The following MCC variants were observed in gnomAD, a reference collection of about 807,000 sequenced individuals.
MCC encodes MCC regulator of Wnt signaling pathway.
In MCC, 90 loss-of-function variants were observed where a neutral mutation model predicts 116.2. The observed-to-expected ratio is 0.77, with a 90% confidence interval of 0.65 to 0.92. The LOEUF (loss-of-function observed/expected upper bound fraction) is 0.92, where lower values mean the gene tolerates loss of function less well. Among genes scored for constraint, MCC ranks in the 40% least tolerant of loss-of-function variants. The pLI is 0.00. For synonymous variants in MCC, 578 were observed against 510.5 expected (o/e 1.13, Z -1.78); for missense variants, 1,516 against 1,312.2 (o/e 1.16, Z -2.40).
chr5:113,135,531 C>T (rs1289190324), intron 5 of MCC, among the ~76,000 whole-genome samples: 1 of 140,312 alleles, frequency 7.1e-6, no homozygotes, highest in African/African-American at 2.6e-5. Flanking sequence ...TGCACTCCAG[C>T]CTGGGTGACA....
intron 8 of MCC, among the ~76,000 whole-genome samples, chr5:113,094,270 C>G (rs1287771320): frequency 6.6e-6 from 1 of 151,856 alleles, no homozygotes; most frequent in African/African-American, 2.4e-5. Context: ...AGAGAGATCA[C>G]AAAATAGAAG....
At position 113,453,917 on chromosome 5, in the gene MCC, C is replaced by A. The variant is rs925168134; in HGVS notation, c.170+34328G>T. On this transcript the variant is annotated intron_variant, in intron 1 of 18. Transcript: ENST00000408903. ...CCTGAGGTTGGGAGTTCGAGACCAC[C>A]CTGACCAACATGGAGAAACCCCATC... Among the ~76,000 whole-genome samples the A allele has an allele frequency of 3.3e-5, 5 of 152,198 alleles. No homozygotes were observed. In the East Asian group the frequency reaches 9.7e-4, roughly 29 times the overall value.
In MCC at chr5:113,025,793, C is replaced by G. The variant is rs1405475792; in HGVS notation, c.*1509G>C. ...CTTTTAGGATACAGCTGTCTGCCCT[C>G]CGAACTGGTGGCTGGAGTATCCTCC... On this transcript the variant is annotated 3_prime_UTR_variant, in exon 19 of 19. Coordinates refer to ENST00000408903, the MANE Select transcript of MCC (RefSeq NM_001085377.2). The G allele has an allele frequency of 6.6e-6, 1 of 152,132 alleles. No homozygotes were observed. The highest frequency in any genetic ancestry group is 1.5e-5 in the Non-Finnish European group (1 of 68,028). 9.4% of individuals were successfully genotyped at this position (152,132 alleles called of 1,614,324 possible).
At chr5:113,271,300 C>T (rs990100282) in intron 3 of MCC, among the ~76,000 whole-genome samples, 1 of 152,132 alleles carries the variant, frequency 6.6e-6, no homozygotes, top group African/African-American at 2.4e-5. Context: ...ACCTAGAACA[C>T]TAGATTCACA....
At chr5:113,208,729 G>GA (rs1189490586) in intron 3 of MCC, among the ~76,000 whole-genome samples, 1 of 152,012 alleles carries the variant, frequency 6.6e-6, no homozygotes, top group Non-Finnish European at 1.5e-5. Flanking sequence ...AGAGTATCAT[G>GA]AAAAAAACAA....
chr5:113,096,330 G>C (rs1756013967), intron 8 of MCC, among the ~76,000 whole-genome samples: 1 of 152,148 alleles, frequency 6.6e-6, no homozygotes, highest in South Asian at 2.1e-4. Context: ...ATCATAATGT[G>C]GGGGAGTGTG....
Position 113,368,606 on chromosome 5 carries a change from G to A in MCC, c.415+16362C>T, listed in dbSNP as rs114211658. Among the ~76,000 whole-genome samples the A allele has an allele frequency of 6.7e-3, 1,013 of 150,266 alleles. 9 individuals carry two copies. Among genetic ancestry groups the A allele is most frequent in the African/African-American group, 0.023 (946 of 40,808 alleles). On this transcript the variant is annotated intron_variant, in intron 2 of 18. Transcript: ENST00000408903. ...TGAATTTATCATTATGATATTCTCC[G>A]TATAGGAGAAAAAGTGTTTTTTTTT... is the stretch of plus-strand genomic sequence containing the variant.
chr5:113,052,471 G>A (rs1332206114), intron 15 of MCC, among the ~76,000 whole-genome samples: 1 of 151,912 alleles, frequency 6.6e-6, no homozygotes, highest in East Asian at 1.9e-4. Flanking sequence ...CATGGGGGTG[G>A]GGGTGGGAGG....
At chr5:113,099,366 C>A (rs1219096163) in intron 8 of MCC, among the ~76,000 whole-genome samples, 1 of 152,124 alleles carries the variant, frequency 6.6e-6, no homozygotes, top group Non-Finnish European at 1.5e-5. Context: ...GTGTAATTAT[C>A]CAATGTCCAT....
intron 6 of MCC, among the ~76,000 whole-genome samples, chr5:113,120,636 G>T (rs1404029709): frequency 6.6e-6 from 1 of 152,152 alleles, no homozygotes; most frequent in Non-Finnish European, 1.5e-5. Flanking sequence ...AATCTCTGAA[G>T]ATATACTAGG....
intron 1 of MCC, among the ~76,000 whole-genome samples, chr5:113,418,368 C>A (rs189003722): frequency 2.6e-5 from 4 of 151,850 alleles, no homozygotes; most frequent in Admixed American, 2.6e-4. Flanking sequence ...TGAATTCATT[C>A]ATTGTGCCAA....
chr5:113,373,127 C>G (rs1290715721), intron 2 of MCC, among the ~76,000 whole-genome samples: 1 of 151,144 alleles, frequency 6.6e-6, no homozygotes, highest in Non-Finnish European at 1.5e-5. Context: ...TGCAGTGAGC[C>G]GAGATCGCGC....
Position 113,025,095 on chromosome 5 carries a change from A to T in MCC, c.*2207T>A, listed in dbSNP as rs1282109258. The T allele has an allele frequency of 2.6e-5, 4 of 152,064 alleles. No homozygotes were observed. The highest frequency in any genetic ancestry group is 6.5e-5 in the Admixed American group (1 of 15,274). 9.4% of individuals were successfully genotyped at this position (152,064 alleles called of 1,614,324 possible). A position where few individuals can be genotyped will look rare whatever the true frequency, so the allele number is the denominator to read the frequency against. On this transcript the variant is annotated 3_prime_UTR_variant, in exon 19 of 19. Coordinates refer to ENST00000408903, the MANE Select transcript of MCC (RefSeq NM_001085377.2). Reference sequence around the variant, plus strand: ...GACAGAAGTCAGTAGGCAGGATTTTATTCCTGCTTCAGCCACATGTTTCTG... The same window carrying T: ...GACAGAAGTCAGTAGGCAGGATTTTTTTCCTGCTTCAGCCACATGTTTCTG...
intron 3 of MCC, among the ~76,000 whole-genome samples, chr5:113,166,916 G>T (rs1440374990): frequency 6.6e-6 from 1 of 152,138 alleles, no homozygotes; most frequent in Non-Finnish European, 1.5e-5. Flanking sequence ...TTACATTTCA[G>T]CATGAGGGAT....
chr5:113,430,738 G>C (rs759035611), intron 1 of MCC, among the ~76,000 whole-genome samples: 7 of 152,186 alleles, frequency 4.6e-5, no homozygotes, highest in Non-Finnish European at 1.0e-4. Flanking sequence ...GAAAAATAGA[G>C]ATGACAGAAG....
intron 1 of MCC, among the ~76,000 whole-genome samples, chr5:113,398,779 C>T (rs960863398): frequency 6.6e-5 from 10 of 152,298 alleles, no homozygotes; most frequent in African/African-American, 9.6e-5. Context: ...CTCAGCATCA[C>T]GCAATATACC....
chr5:113,133,295 C>T (rs1304031520), intron 5 of MCC, among the ~76,000 whole-genome samples: 1 of 152,074 alleles, frequency 6.6e-6, no homozygotes, highest in Admixed American at 6.5e-5. Context: ...CCCTCTCCTC[C>T]CTACCCTTCC....
intron 2 of MCC, among the ~76,000 whole-genome samples, chr5:113,370,245 T>G (rs967822726): frequency 3.9e-5 from 6 of 152,186 alleles, no homozygotes; most frequent in Non-Finnish European, 8.8e-5. Context: ...CTTAAGGATT[T>G]TCCTCTAATT....
At chr5:113,038,693 C>T (rs1021493835) in intron 17 of MCC, among the ~76,000 whole-genome samples, 3 of 152,102 alleles carry the variant, frequency 2.0e-5, no homozygotes, top group Non-Finnish European at 4.4e-5. Flanking sequence ...CAGGTGTGAT[C>T]GATCACACTG....
Sources: gnomAD v4.1 joint callset for allele counts (sites outside exome capture counted in the v4.1 genomes callset) on GRCh38, gnomAD v4.1.1 for gene constraint, MANE v1.5 for transcripts, NCBI Gene and HGNC (gene_info 2026-07-23, HGNC 2026-07-21) for gene names.